CDKL3: variants seen among roughly 807,000 people sequenced by gnomAD.
The protein encoded by CDKL3 is cyclin-dependent kinase-like 3.
A neutral mutation model predicts 69.3 loss-of-function variants in CDKL3; 65 were observed. That is an observed-to-expected ratio of 0.94 (90% CI 0.77 to 1.15). The LOEUF is 1.15. Ranked by LOEUF, CDKL3 falls within the 50% of genes most tolerant of loss-of-function variation. The pLI, the probability that CDKL3 is intolerant of heterozygous loss-of-function variation, is 0.00. For synonymous variants in CDKL3, 202 were observed against 221.6 expected (o/e 0.91, Z 0.79); for missense variants, 652 against 689.2 (o/e 0.95, Z 0.61).
intron 1 of CDKL3, 60 bp from the exon 2 acceptor site, chr5:134,366,604 A>G (rs1407889369): frequency 9.7e-7 from 1 of 1,034,332 alleles, no homozygotes; most frequent in African/African-American, 1.7e-5. Context: ...TTATTTATTA[A>G]AACTAGATAA....
chr5:134,297,604 G>A (rs189774569), downstream of CDKL3, among the ~76,000 whole-genome samples: 493 of 148,068 alleles, frequency 3.3e-3, 1 homozygote, highest in African/African-American at 0.012. Flanking sequence ...TTTTTGAGAC[G>A]GAGTTTCACT....
intron 4 of CDKL3, among the ~76,000 whole-genome samples, chr5:134,348,981 A>C (rs932835412): frequency 5.3e-5 from 8 of 152,172 alleles, no homozygotes; most frequent in African/African-American, 1.4e-4. Context: ...ACCCAGGGGA[A>C]TGGATTGTGA....
rs777787387 is a variant in CDKL3 at position 134,308,354 on chromosome 5, C to T, written c.1148G>A (p.Gly383Asp). ...AACATTTTCATTTGCATCCTGTTGA[C>T]CAAGTCCACCTTCATACTCTTTCTT... ...PKKKEYEGGL[G>D]QQDANENVHP... is the part of the protein sequence containing the mutation. Residue 383 changes from glycine to aspartate, a missense_variant, in exon 9 of 13, where the codon GGT becomes GAT. Physicochemically the swap from Gly to Asp is moderately conservative, Grantham distance 94. Transcript: ENST00000265334. 6.2e-7 allele frequency: 1 copy of T among 1,613,900 alleles called. No individual in the cohort carries two copies. Among genetic ancestry groups the T allele is most frequent in the Non-Finnish European group, 8.5e-7 (1 of 1,179,816 alleles).
intron 3 of CDKL3, among the ~76,000 whole-genome samples, chr5:134,359,173 G>C (rs1437172661): frequency 1.3e-5 from 2 of 151,796 alleles, no homozygotes; most frequent in Admixed American, 6.6e-5. Flanking sequence ...CCGTCATCTC[G>C]GACAAACACC....
At chr5:134,314,988 C>T (rs1480391533) in intron 6 of CDKL3, among the ~76,000 whole-genome samples, 1 of 151,972 alleles carries the variant, frequency 6.6e-6, no homozygotes, top group Non-Finnish European at 1.5e-5. Context: ...GTTTACTGCC[C>T]ACAAATTATA....
intron 10 of CDKL3, among the ~76,000 whole-genome samples, chr5:134,305,275 ATTTAT>A (rs759228195): frequency 8.6e-5 from 13 of 151,876 alleles, no homozygotes; most frequent in Non-Finnish European, 1.8e-4. Context: ...CACACGACTA[ATTTAT>A]TTTATTTCAT....
chr5:134,296,110 G>T (rs1243457444), downstream of CDKL3, among the ~76,000 whole-genome samples: 3 of 151,970 alleles, frequency 2.0e-5, no homozygotes, highest in South Asian at 6.2e-4. Context: ...TGTTAGCCAG[G>T]ATGGTATCAA....
At chr5:134,311,848 G>A (rs980599622) in intron 7 of CDKL3, among the ~76,000 whole-genome samples, 2 of 152,150 alleles carry the variant, frequency 1.3e-5, no homozygotes, top group African/African-American at 4.8e-5. Context: ...AGGCTGGAGT[G>A]CAGTGGTGCA....
intron 7 of CDKL3, 80 bp downstream of exon 7, chr5:134,312,212 C>T: frequency 6.4e-6 from 5 of 775,924 alleles, no homozygotes; most frequent in Non-Finnish European, 1.1e-5. Context: ...TAAAAGTAAC[C>T]TATACAGCAA....
At chr5:134,358,068 G>A (rs1561641459) in intron 3 of CDKL3, among the ~76,000 whole-genome samples, 1 of 152,122 alleles carries the variant, frequency 6.6e-6, no homozygotes, top group Non-Finnish European at 1.5e-5. Context: ...AACAAAGCAA[G>A]ATCCTGTCTC....
intron 4 of CDKL3, among the ~76,000 whole-genome samples, chr5:134,328,839 GT>G (rs1159508262): frequency 6.6e-6 from 1 of 152,166 alleles, no homozygotes. Context: ...CCAGTAGATA[GT>G]GGTACAACAA....
Position 134,360,095 on chromosome 5 carries a change from T to C in CDKL3, c.166-4A>G, listed in dbSNP as rs772558286. ...CCAGGTTTTCGTGATGAAATTGCTA[T>C]TGACAAAAGAAACAACACAAATTTT... On this transcript the variant is annotated splice_region_variant and splice_polypyrimidine_tract_variant and intron_variant, in intron 2 of 12. Coordinates refer to ENST00000265334, the MANE Select transcript of CDKL3 (RefSeq NM_001113575.2). 2.6e-5 allele frequency: 40 copies of C among 1,522,268 alleles called. No individual in the cohort carries two copies. The highest frequency in any genetic ancestry group is 3.0e-5 in the Non-Finnish European group (34 of 1,136,468). The allele number at this position is 1,522,268 out of a possible 1,614,324, so 94.3% of individuals were successfully genotyped here. A position where few individuals can be genotyped will look rare whatever the true frequency, so the allele number is the denominator to read the frequency against.
chr5:134,344,212 G>A (rs540150008), intron 4 of CDKL3, among the ~76,000 whole-genome samples: 1 of 152,270 alleles, frequency 6.6e-6, no homozygotes, highest in South Asian at 2.1e-4. Flanking sequence ...AAATGTAACT[G>A]TAAATCTTCA....
At position 134,366,519 on chromosome 5, in the gene CDKL3, T is replaced by C. The variant is rs750651707; in HGVS notation, c.5A>G (p.Glu2Gly). MEMYETLGKVGE... is the reference protein window; with the variant it reads MGMYETLGKVGE... ...CACTTTTCCAAGGGTTTCATACATCTCCATTTTCAAGCTGGGCTTTTACTA... is the reference window on the plus strand; with the variant it reads ...CACTTTTCCAAGGGTTTCATACATCCCCATTTTCAAGCTGGGCTTTTACTA... Residue 2 changes from glutamate to glycine, a missense_variant, in exon 2 of 13, where the codon GAG (glutamate) becomes GGG (glycine). Transcript: ENST00000265334. 27 of 1,595,874 alleles carry C rather than the reference T, an allele frequency of 1.7e-5. No homozygotes were observed. The East Asian group carries it at 6.0e-4, about 36-fold the overall frequency.
chr5:134,327,952 G>C (rs1388600219), intron 4 of CDKL3, among the ~76,000 whole-genome samples: 2 of 152,130 alleles, frequency 1.3e-5, no homozygotes, highest in South Asian at 2.1e-4. Flanking sequence ...GTGTGGGTTG[G>C]GGGGCTGGGG....
chr5:134,369,674 G>A (rs1294518801), upstream of CDKL3, among the ~76,000 whole-genome samples: 2 of 152,092 alleles, frequency 1.3e-5, no homozygotes, highest in Admixed American at 6.6e-5. Flanking sequence ...CGTCTCAAGC[G>A]ATTCTTCTGC....
chr5:134,285,659 C>T (rs1764831104), downstream of CDKL3, among the ~76,000 whole-genome samples: 1 of 152,242 alleles, frequency 6.6e-6, no homozygotes, highest in Non-Finnish European at 1.5e-5. Context: ...CTCCTCATTG[C>T]TTTTGCAAAT....
chr5:134,322,903 C>T (rs1773156619), intron 4 of CDKL3, among the ~76,000 whole-genome samples: 1 of 151,402 alleles, frequency 6.6e-6, no homozygotes, highest in Admixed American at 6.6e-5. Context: ...CACTTGAACC[C>T]GGGAGGTGGA....
intron 8 of CDKL3, among the ~76,000 whole-genome samples, chr5:134,292,841 A>G (rs1765177529): frequency 6.6e-6 from 1 of 152,012 alleles, no homozygotes; most frequent in Non-Finnish European, 1.5e-5. Flanking sequence ...CCAGCAACTT[A>G]GTTGGGATGA....
Sources: allele counts gnomAD v4.1 joint callset (sites outside exome capture counted in the v4.1 genomes callset), GRCh38; gene constraint gnomAD v4.1.1; transcripts MANE v1.5; gene names NCBI Gene and HGNC (gene_info 2026-07-23, HGNC 2026-07-21).